The following STEAP1B variants were observed in gnomAD, a reference collection of about 807,000 sequenced individuals.
STEAP1B encodes STEAP family member 1B.
Under a neutral mutation model 27.9 loss-of-function variants are expected in STEAP1B, and 13 were observed. The ratio of observed to expected loss-of-function variants is 0.47; its 90% CI spans 0.30 to 0.74. The LOEUF (loss-of-function observed/expected upper bound fraction) is 0.74, where lower values mean the gene tolerates loss of function less well. Among genes scored for constraint, STEAP1B ranks in the 30% least tolerant of loss-of-function variants. STEAP1B has a pLI of 0.06. For missense variants in STEAP1B, 250 were observed against 298.7 expected (o/e 0.84, Z 1.20); for synonymous variants, 86 against 107.1 (o/e 0.80, Z 1.22).
chr7:22,437,473 ATATACATTTTCGTT>A (rs2128401171), intron 4 of STEAP1B, among the ~76,000 whole-genome samples: 1 of 152,322 alleles, frequency 6.6e-6, no homozygotes, highest in East Asian at 1.9e-4. Context: ...CATTGTGGGT[ATATACATTTTCGTT>A]ATCCATTCAT....
At chr7:22,463,871 A>G (rs533436872) in intron 4 of STEAP1B, among the ~76,000 whole-genome samples, 1 of 151,674 alleles carries the variant, frequency 6.6e-6, no homozygotes, top group South Asian at 2.1e-4. Context: ...AAACCTAGGC[A>G]TTACCATTCA....
chr7:22,447,428 A>G (rs1785425615), intron 4 of STEAP1B, among the ~76,000 whole-genome samples: 1 of 152,242 alleles, frequency 6.6e-6, no homozygotes, highest in Admixed American at 6.5e-5. Flanking sequence ...TAGATTCAGT[A>G]ACCACTTTGG....
At chr7:22,496,085 G>GAT (rs1786434864) in intron 1 of STEAP1B, among the ~76,000 whole-genome samples, 1 of 152,130 alleles carries the variant, frequency 6.6e-6, no homozygotes, top group Non-Finnish European at 1.5e-5. Context: ...AGTGGGACAA[G>GAT]ATATAGAGGT....
chr7:22,459,071 C>T (rs192937016), intron 4 of STEAP1B, among the ~76,000 whole-genome samples: 47 of 152,326 alleles, frequency 3.1e-4, no homozygotes, highest in Non-Finnish European at 3.8e-4. Flanking sequence ...CCTTGTCCAA[C>T]AGCAGTGCCT....
At chr7:22,464,948 C>CATATATATAAATATAT (rs1785748119) in intron 4 of STEAP1B, among the ~76,000 whole-genome samples, 1 of 45,010 alleles carries the variant, frequency 2.2e-5, no homozygotes, top group African/African-American at 5.6e-5. Flanking sequence ...TACCAAACCC[C>CATATATATAAATATAT]ATATATATAT....
At chr7:22,447,482 G>A (rs1440802521) in intron 4 of STEAP1B, among the ~76,000 whole-genome samples, 2 of 152,154 alleles carry the variant, frequency 1.3e-5, no homozygotes, top group African/African-American at 2.4e-5. Context: ...ATAATACATA[G>A]TAGTTCTATT....
At chr7:22,490,930 G>A (rs1189241924) in intron 4 of STEAP1B, among the ~76,000 whole-genome samples, 1 of 152,220 alleles carries the variant, frequency 6.6e-6, no homozygotes, top group Non-Finnish European at 1.5e-5. Flanking sequence ...TGCTGACTAT[G>A]CTTCAGTTCA....
At chr7:22,421,208 T>C (rs1243692302) in intron 4 of STEAP1B, among the ~76,000 whole-genome samples, 2 of 152,162 alleles carry the variant, frequency 1.3e-5, no homozygotes, top group Non-Finnish European at 2.9e-5. Flanking sequence ...ATGACAGTAA[T>C]ATGAGAGAAC....
chr7:22,424,628 T>C (rs1785083855), intron 4 of STEAP1B, among the ~76,000 whole-genome samples: 1 of 152,172 alleles, frequency 6.6e-6, no homozygotes, highest in Non-Finnish European at 1.5e-5. Flanking sequence ...CTACCACCTT[T>C]GGCTAAATAA....
chr7:22,473,959 G>A (rs899926671), intron 4 of STEAP1B, among the ~76,000 whole-genome samples: 3 of 152,162 alleles, frequency 2.0e-5, no homozygotes, highest in Non-Finnish European at 2.9e-5. Flanking sequence ...CAACTCCAAA[G>A]GCAGAAGGTA....
intron 4 of STEAP1B, among the ~76,000 whole-genome samples, chr7:22,460,336 CAAA>C (rs33991000): frequency 1.7e-5 from 2 of 117,674 alleles, no homozygotes; most frequent in Non-Finnish European, 3.8e-5. Flanking sequence ...TCAAAACAAA[CAAA>C]AAAAAAAAAA....
At chr7:22,493,885 A>G (rs762672530) in intron 2 of STEAP1B, 49 bp from the exon 3 acceptor site, 2 of 1,521,968 alleles carry the variant, frequency 1.3e-6, no homozygotes, top group Middle Eastern at 1.8e-4. Flanking sequence ...AAACAATGGG[A>G]TATCTCTTGA....
At chr7:22,446,624 C>T in intron 4 of STEAP1B, among the ~76,000 whole-genome samples, 1 of 152,224 alleles carries the variant, frequency 6.6e-6, no homozygotes, top group Non-Finnish European at 1.5e-5. Context: ...CTGATGGACA[C>T]TTCCATTGGA....
chr7:22,457,963 C>T (rs1165819679), intron 4 of STEAP1B, among the ~76,000 whole-genome samples: 1 of 152,226 alleles, frequency 6.6e-6, no homozygotes, highest in Non-Finnish European at 1.5e-5. Flanking sequence ...AGCTCTCCCA[C>T]CATTTCCCAT....
At chr7:22,453,282 T>C (rs1785519899) in intron 4 of STEAP1B, among the ~76,000 whole-genome samples, 1 of 152,214 alleles carries the variant, frequency 6.6e-6, no homozygotes, top group South Asian at 2.1e-4. Context: ...GTGCAGAAAG[T>C]ACACTGGCTT....
intron 4 of STEAP1B, among the ~76,000 whole-genome samples, chr7:22,446,241 A>G (rs1287052690): frequency 6.6e-6 from 1 of 152,220 alleles, no homozygotes; most frequent in Non-Finnish European, 1.5e-5. Context: ...CCCGGTCCCT[A>G]CCCTCTGAGA....
In STEAP1B at chr7:22,493,309, T is replaced by A. The variant is rs117582436; in HGVS notation, c.597+15A>T. On this transcript the variant is annotated intron_variant, in intron 3 of 4. Coordinates refer to ENST00000678116, the MANE Select transcript of STEAP1B (RefSeq NM_001382447.1). ...AGACTTTTTATTAGTAACAGTGACA[T>A]CATTGTCATCTCACCTGTTGATATG... The A allele has an allele frequency of 0.073, 112,919 of 1,545,676 alleles. 6,084 individuals carry two copies. The highest frequency in any genetic ancestry group is 0.13 in the African/African-American group (9,108 of 72,816).
rs189155221 is a variant in STEAP1B at position 22,477,649 on chromosome 7, G to A, written c.762+14916C>T. ...ATAATGGATTTTTGGCTTTTTAATG[G>A]ATCCTCACTTGCATTTGCCCTTTGA... On this transcript the variant is annotated intron_variant, in intron 4 of 4. Transcript: ENST00000678116. 3.5e-4 allele frequency among the ~76,000 whole-genome samples: 53 copies of A among 152,136 alleles called. No individual in the cohort carries two copies. The East Asian group carries it at 9.3e-3, about 27-fold the overall frequency.
intron 4 of STEAP1B, among the ~76,000 whole-genome samples, chr7:22,464,575 G>T (rs949476995): frequency 5.3e-5 from 8 of 152,036 alleles, no homozygotes; most frequent in Admixed American, 1.3e-4. Flanking sequence ...TTTAAGAGGT[G>T]ATTAAGTTAA....
Sources: gnomAD v4.1 joint callset for allele counts (sites outside exome capture counted in the v4.1 genomes callset) on GRCh38, gnomAD v4.1.1 for gene constraint, MANE v1.5 for transcripts, NCBI Gene and HGNC (gene_info 2026-07-23, HGNC 2026-07-21) for gene names.